ANO1: variants seen among roughly 807,000 people sequenced by gnomAD.
ANO1 encodes anoctamin-1.
In ANO1, 59 loss-of-function variants were observed where a neutral mutation model predicts 124.0. The ratio of observed to expected loss-of-function variants is 0.48; its 90% confidence interval spans 0.39 to 0.59. ANO1 has a LOEUF of 0.59. Among genes scored for constraint, ANO1 ranks in the 20% least tolerant of loss-of-function variants. The probability of loss-of-function intolerance (pLI) is 0.00; values close to 1 mark genes in which losing one functional copy is unlikely to be tolerated. For missense variants in ANO1, 1,059 were observed against 1,328.0 expected (o/e 0.80, Z 3.15); for synonymous variants, 529 against 532.0 (o/e 0.99, Z 0.08).
chr11:69,969,745 G>A, the ANO1 span, among the ~76,000 whole-genome samples: 8 of 152,232 alleles, frequency 5.3e-5, no homozygotes, highest in South Asian at 2.1e-4. Flanking sequence ...TCAGGAGTTC[G>A]AGAACAGCCT....
intron 1 of ANO1, among the ~76,000 whole-genome samples, chr11:69,994,106 C>T (rs115343134): frequency 1.3e-5 from 2 of 150,416 alleles, no homozygotes; most frequent in East Asian, 3.9e-4. Context: ...GTCGTTAACC[C>T]CCCCCCACAG....
intron 22 of ANO1, among the ~76,000 whole-genome samples, chr11:70,176,078 C>T (rs557029478): frequency 1.3e-5 from 2 of 151,564 alleles, no homozygotes; most frequent in South Asian, 4.2e-4. Context: ...CAATCAGATA[C>T]ATCTAAGGTA....
intron 22 of ANO1, among the ~76,000 whole-genome samples, chr11:70,177,594 C>CTTTTT (rs57647858): frequency 1.8e-4 from 14 of 78,930 alleles, no homozygotes; most frequent in Non-Finnish European, 2.9e-4. Flanking sequence ...TTTTTTTTTT[C>CTTTTT]TTTTTTTTTT....
chr11:70,099,038 G>A (rs1397351414), intron 2 of ANO1, among the ~76,000 whole-genome samples: 4 of 152,146 alleles, frequency 2.6e-5, no homozygotes, highest in Non-Finnish European at 5.9e-5. Context: ...TGTCTGGGGG[G>A]CTGACTCTGT....
At chr11:70,099,408 C>A (rs1190051654) in intron 2 of ANO1, among the ~76,000 whole-genome samples, 1 of 152,166 alleles carries the variant, frequency 6.6e-6, no homozygotes, top group Non-Finnish European at 1.5e-5. Flanking sequence ...CCAGCAGCAG[C>A]CACCGGCTCC....
chr11:69,981,378 C>T (rs7948543), upstream of ANO1, among the ~76,000 whole-genome samples: 57,662 of 152,086 alleles, frequency 0.38, 12,446 homozygotes, highest in South Asian at 0.57. Flanking sequence ...ACTTGCTGCA[C>T]GGATTCGATG....
At chr11:69,971,129 C>T in the ANO1 span, among the ~76,000 whole-genome samples, 1 of 152,296 alleles carries the variant, frequency 6.6e-6, no homozygotes, top group Non-Finnish European at 1.5e-5. Context: ...GTCTGTGACA[C>T]AGGTTCAGGA....
At chr11:70,184,096 C>A (rs1180684837) in intron 24 of ANO1, among the ~76,000 whole-genome samples, 2 of 152,208 alleles carry the variant, frequency 1.3e-5, no homozygotes, top group East Asian at 3.9e-4. Flanking sequence ...TAGTGACCAA[C>A]AGGGGCACAA....
chr11:69,997,124 C>T (rs1856285384), intron 1 of ANO1, among the ~76,000 whole-genome samples: 1 of 152,124 alleles, frequency 6.6e-6, no homozygotes, highest in Non-Finnish European at 1.5e-5. Context: ...TATCACTGTT[C>T]TTTTGGGGGA....
At chr11:69,995,827 C>A (rs1224527608) in intron 1 of ANO1, among the ~76,000 whole-genome samples, 1 of 152,182 alleles carries the variant, frequency 6.6e-6, no homozygotes, top group Non-Finnish European at 1.5e-5. Flanking sequence ...AGATTTCAGG[C>A]CGGGCGCAGT....
intron 1 of ANO1, among the ~76,000 whole-genome samples, chr11:70,039,198 G>A (rs146922615): frequency 2.8e-4 from 43 of 152,226 alleles, no homozygotes; most frequent in African/African-American, 8.9e-4. Context: ...CAGAGTGATC[G>A]AATCCTTCCT....
Position 70,179,896 on chromosome 11 carries a change from G to A in ANO1, c.2351-108G>A, listed in dbSNP as rs1037851388. 15 of 1,023,308 alleles carry A rather than the reference G, an allele frequency of 1.5e-5. No homozygotes were observed. In the Middle Eastern group the frequency reaches 8.3e-4, roughly 56 times the overall value. The allele number at this position is 1,023,308 out of a possible 1,614,324, so 63.4% of individuals were successfully genotyped here. A position where few individuals can be genotyped will look rare whatever the true frequency, so the allele number is the denominator to read the frequency against. On this transcript the variant is annotated intron_variant, in intron 22 of 25. Coordinates refer to ENST00000355303, the MANE Select transcript of ANO1 (RefSeq NM_018043.7). The stretch of plus-strand genomic sequence containing the variant: ...GTTGCCATAAGCCTCTGACTGCTGT[G>A]AGAAAGCCTGGCCCCTGCAAGGGTG...
At chr11:70,132,129 T>C (rs374964063) in intron 11 of ANO1, 50 bp downstream of exon 11, 17 of 1,533,126 alleles carry the variant, frequency 1.1e-5, no homozygotes, top group Non-Finnish European at 1.5e-5. Flanking sequence ...TGAGTCTGAG[T>C]GGTACCTAGG....
chr11:70,149,488 T>C (rs1213587876), intron 11 of ANO1: 2 of 497,954 alleles, frequency 4.0e-6, no homozygotes, highest in Non-Finnish European at 7.3e-6. Flanking sequence ...CTGTCTCTAC[T>C]AAAAATACAA....
intron 2 of ANO1, among the ~76,000 whole-genome samples, chr11:70,099,875 G>A (rs894701448): frequency 6.6e-6 from 1 of 152,148 alleles, no homozygotes; most frequent in South Asian, 2.1e-4. Context: ...CCCAGGCCAC[G>A]CCGTCCCAGG....
intron 1 of ANO1, among the ~76,000 whole-genome samples, chr11:69,995,971 C>T (rs1226292068): frequency 1.3e-5 from 2 of 152,156 alleles, no homozygotes; most frequent in East Asian, 1.9e-4. Flanking sequence ...ATTAGCCAGG[C>T]ATGGTGACAT....
At chr11:69,967,697 T>C in the ANO1 span, among the ~76,000 whole-genome samples, 3,687 of 152,320 alleles carry the variant, frequency 0.024, 80 homozygotes, top group African/African-American at 0.055. Flanking sequence ...AGCTGAGGCC[T>C]GGAGAAATCC....
At chr11:70,019,720 G>A (rs1049161218) in intron 1 of ANO1, among the ~76,000 whole-genome samples, 1 of 152,218 alleles carries the variant, frequency 6.6e-6, no homozygotes, top group Non-Finnish European at 1.5e-5. Context: ...ACTGTCTGGG[G>A]CTGGCTCTTC....
At chr11:69,967,189 G>A in the ANO1 span, among the ~76,000 whole-genome samples, 3 of 144,800 alleles carry the variant, frequency 2.1e-5, no homozygotes, top group East Asian at 2.0e-4. Flanking sequence ...CTGAGCGCCC[G>A]TATCGCACGT....
Sources: allele counts gnomAD v4.1 joint callset (sites outside exome capture counted in the v4.1 genomes callset), GRCh38; gene constraint gnomAD v4.1.1; transcripts MANE v1.5; gene names NCBI Gene and HGNC (gene_info 2026-07-23, HGNC 2026-07-21).